Variants in SRGAP2 observed in about 807,000 individuals in gnomAD.
SRGAP2 encodes the protein SLIT-ROBO Rho GTPase-activating protein 2.
A neutral mutation model predicts 57.2 loss-of-function variants in SRGAP2; 15 were observed. The ratio of observed to expected loss-of-function variants is 0.26; its 90% CI spans 0.18 to 0.40. The LOEUF is 0.40. Among genes scored for constraint, SRGAP2 ranks in the 10% least tolerant of loss-of-function variants. The pLI, the probability that SRGAP2 is intolerant of heterozygous loss-of-function variation, is 1.00. For synonymous variants in SRGAP2, 249 were observed against 248.0 expected (o/e 1.00, Z -0.04); for missense variants, 520 against 669.6 (o/e 0.78, Z 2.47).
intron 4 of SRGAP2, among the ~76,000 whole-genome samples, chr1:206,383,017 CCTTTT>C (rs1373011852): frequency 8.9e-5 from 13 of 145,800 alleles, no homozygotes; most frequent in Non-Finnish European, 1.4e-4. Flanking sequence ...TCCTTTCTTT[CCTTTT>C]CTTTTCTTTT....
intron 20 of SRGAP2, 134 bp downstream of exon 20, chr1:206,453,514 G>A: frequency 2.4e-6 from 1 of 421,926 alleles, no homozygotes; most frequent in Admixed American, 4.3e-5. Flanking sequence ...GGCTCACACA[G>A]TTCCTTGAAG....
chr1:206,417,103 C>CTTTT (rs546280000), intron 11 of SRGAP2, among the ~76,000 whole-genome samples: 2 of 133,778 alleles, frequency 1.5e-5, no homozygotes, highest in African/African-American at 2.9e-5. Context: ...CTAATGACTT[C>CTTTT]TTTTTTTTTT....
intron 3 of SRGAP2, among the ~76,000 whole-genome samples, chr1:206,320,791 TTAC>T (rs1489619124): frequency 6.6e-6 from 1 of 152,022 alleles, no homozygotes; most frequent in African/African-American, 2.4e-5. Flanking sequence ...TGTTAACATA[TTAC>T]TACATTTGCT....
intron 10 of SRGAP2, among the ~76,000 whole-genome samples, chr1:206,410,624 G>A (rs1377755894): frequency 2.0e-5 from 3 of 152,128 alleles, no homozygotes; most frequent in African/African-American, 7.2e-5. Flanking sequence ...AAAGAAAATG[G>A]AAGTAGATAT....
At chr1:206,255,955 T>G (rs551284478) in intron 2 of SRGAP2, among the ~76,000 whole-genome samples, 2 of 148,178 alleles carry the variant, frequency 1.3e-5, no homozygotes, top group East Asian at 4.2e-4. Context: ...AAAGTTCACT[T>G]TGAGCCACTC....
At chr1:206,452,909 A>AAAAAG (rs1663459423) in intron 19 of SRGAP2, among the ~76,000 whole-genome samples, 1 of 147,338 alleles carries the variant, frequency 6.8e-6, no homozygotes, top group African/African-American at 2.6e-5. Context: ...AAAAAAAAAA[A>AAAAAG]TGGGATGCTT....
intron 16 of SRGAP2, among the ~76,000 whole-genome samples, chr1:206,438,908 C>T (rs1426846119): frequency 3.9e-5 from 6 of 152,216 alleles, no homozygotes; most frequent in Non-Finnish European, 7.3e-5. Context: ...TTGTCCCTCT[C>T]TGTTATCCTG....
At chr1:206,455,127 TC>T in intron 21 of SRGAP2, 103 bp downstream of exon 21, 1 of 767,202 alleles carries the variant, frequency 1.3e-6, no homozygotes. Flanking sequence ...CACGTAGGGC[TC>T]CCAGCTCCCC....
intron 2 of SRGAP2, among the ~76,000 whole-genome samples, chr1:206,262,690 G>C (rs527708259): frequency 3.5e-4 from 52 of 148,724 alleles, no homozygotes; most frequent in Admixed American, 5.4e-4. Context: ...GAAATACCAA[G>C]AGATGTGCTC....
intron 2 of SRGAP2, among the ~76,000 whole-genome samples, chr1:206,229,931 T>TACACACACACACACAC (rs66901207): frequency 8.5e-5 from 12 of 141,656 alleles, no homozygotes; most frequent in African/African-American, 3.2e-4. Context: ...TACACATACA[T>TACACACACACACACAC]ACACACACAC....
intron 3 of SRGAP2, among the ~76,000 whole-genome samples, chr1:206,323,392 T>C (rs575906121): frequency 1.1e-3 from 161 of 151,930 alleles, no homozygotes; most frequent in Non-Finnish European, 1.7e-3. Context: ...GATGGGGACA[T>C]AGGCCAGACA....
intron 17 of SRGAP2, among the ~76,000 whole-genome samples, chr1:206,441,140 T>G (rs1662259447): frequency 6.6e-6 from 1 of 152,084 alleles, no homozygotes; most frequent in African/African-American, 2.4e-5. Context: ...ATTTATGGAG[T>G]TGGAGAAGAC....
At chr1:206,334,516 G>A (rs1243722122) in intron 3 of SRGAP2, among the ~76,000 whole-genome samples, 4 of 152,038 alleles carry the variant, frequency 2.6e-5, no homozygotes, top group Non-Finnish European at 5.9e-5. Context: ...TCCCAGGGAC[G>A]GGTATTTGGG....
chr1:206,448,353 G>A (rs782554475), intron 18 of SRGAP2, among the ~76,000 whole-genome samples: 10 of 152,260 alleles, frequency 6.6e-5, no homozygotes, highest in Middle Eastern at 3.4e-3. Context: ...TAGGACTACC[G>A]GCTGGGTGGC....
intron 13 of SRGAP2, among the ~76,000 whole-genome samples, chr1:206,426,513 A>G (rs1170020455): frequency 6.6e-6 from 1 of 152,210 alleles, no homozygotes; most frequent in Non-Finnish European, 1.5e-5. Context: ...CTGCTGGATC[A>G]TATGGTAGAT....
intron 12 of SRGAP2, 100 bp from the exon 13 acceptor site, chr1:206,421,150 C>T (rs1660267697): frequency 3.3e-6 from 2 of 607,674 alleles, no homozygotes; most frequent in Admixed American, 5.8e-5. Context: ...AACTTTACTT[C>T]TGGGTTTAAG....
At chr1:206,453,666 T>G in intron 20 of SRGAP2, 2 of 293,448 alleles carry the variant, frequency 6.8e-6, no homozygotes, top group Non-Finnish European at 6.3e-6. Flanking sequence ...TCATCCATAT[T>G]TATACCTGAT....
chr1:206,357,582 C>CTTTTTTTT (rs781912077), intron 4 of SRGAP2, among the ~76,000 whole-genome samples: 1 of 78,066 alleles, frequency 1.3e-5, no homozygotes, highest in Non-Finnish European at 2.5e-5. Context: ...GCTATGTTGT[C>CTTTTTTTT]TTTTTTTTTT....
At chr1:206,230,784 G>A (rs1405872958) in intron 2 of SRGAP2, among the ~76,000 whole-genome samples, 1 of 139,562 alleles carries the variant, frequency 7.2e-6, no homozygotes, top group Non-Finnish European at 1.5e-5. Context: ...CCGCCACCAC[G>A]CTCGGCTAAT....
Sources: gnomAD v4.1 joint callset for allele counts (sites outside exome capture counted in the v4.1 genomes callset) on GRCh38, gnomAD v4.1.1 for gene constraint, MANE v1.5 for transcripts, NCBI Gene and HGNC (gene_info 2026-07-23, HGNC 2026-07-21) for gene names.